Variants in FAM184A observed in about 807,000 individuals in gnomAD.
FAM184A encodes the protein protein FAM184A.
FAM184A carries 99 observed loss-of-function variants against 143.8 expected under a neutral mutation model. That is an observed-to-expected ratio of 0.69 (90% CI 0.58 to 0.81). FAM184A has a LOEUF of 0.81. Among genes scored for constraint, FAM184A ranks in the 40% least tolerant of loss-of-function variants. FAM184A has a pLI of 0.00. For synonymous variants in FAM184A, 427 were observed against 446.4 expected, an observed-to-expected ratio of 0.96 and a Z score of 0.55; for missense variants, 1,217 against 1,310.5, an observed-to-expected ratio of 0.93 and a Z score of 1.10.
At chr6:119,031,576 C>G (rs1454123688) in intron 1 of FAM184A, 2 of 152,184 alleles carry the variant, frequency 1.3e-5, no homozygotes, top group African/African-American at 4.8e-5. Flanking sequence ...GCAGCTCAAG[C>G]TGAATAATAT....
chr6:119,028,799 G>C (rs933663232), intron 1 of FAM184A, among the ~76,000 whole-genome samples: 1 of 152,152 alleles, frequency 6.6e-6, no homozygotes, highest in Admixed American at 6.5e-5. Context: ...AGAAGAACTT[G>C]CAGTTGGCAT....
chr6:119,124,517 C>T (rs1015531083), intron 1 of FAM184A, among the ~76,000 whole-genome samples: 1 of 151,984 alleles, frequency 6.6e-6, no homozygotes, highest in Non-Finnish European at 1.5e-5. Context: ...TAAAATTTTA[C>T]CTGGGGGTGT....
intron 3 of FAM184A, among the ~76,000 whole-genome samples, chr6:119,021,441 C>T (rs984704967): frequency 5.3e-5 from 8 of 152,194 alleles, no homozygotes; most frequent in East Asian, 1.9e-4. Context: ...ACCTTAGTAA[C>T]AAGCCCTAAG....
At chr6:118,982,024 T>C (rs905524892) in intron 9 of FAM184A, among the ~76,000 whole-genome samples, 1 of 152,142 alleles carries the variant, frequency 6.6e-6, no homozygotes, top group African/African-American at 2.4e-5. Context: ...CACCCACGAC[T>C]TACAGACTGA....
In FAM184A at chr6:119,067,005, G is replaced by T. The variant is rs576044558; in HGVS notation, c.159+11136C>A. On this transcript the variant is annotated intron_variant, in intron 1 of 17. Transcript: ENST00000338891. ...CATGTTTTAGGCAAATGATGACTAT[G>T]AAAGATTTTATTTAAACTAAAATAA... 4.6e-5 allele frequency among the ~76,000 whole-genome samples: 7 copies of T among 152,318 alleles called. No individual in the cohort carries two copies. In the South Asian group the frequency reaches 1.5e-3, roughly 32 times the overall value.
intron 1 of FAM184A, among the ~76,000 whole-genome samples, chr6:119,126,933 T>C (rs1406184006): frequency 6.6e-6 from 1 of 152,200 alleles, no homozygotes; most frequent in Non-Finnish European, 1.5e-5. Flanking sequence ...AGTCCCATCA[T>C]CAAGCCATCC....
In FAM184A at chr6:119,020,098, T is replaced by C. The variant is rs1352733115; in HGVS notation, c.1212A>G (p.Glu404=). 1.2e-6 allele frequency: 2 copies of C among 1,610,024 alleles called. No homozygotes were observed. The highest frequency in any genetic ancestry group is 1.7e-6 in the Non-Finnish European group (2 of 1,178,918). The part of the protein sequence containing the change: ...MTQEVTIKDL[E]SEKSRVNERL... ...TCTCATTGACTCTCGATTTTTCTGA[T>C]TCTAAATCTTTAATTGTAACTTCCT... The change falls in exon 4 of 18, where the codon GAA becomes GAG. Residue 404 remains glutamate (E), a synonymous_variant. Coordinates refer to ENST00000338891, the MANE Select transcript of FAM184A (RefSeq NM_024581.6).
intron 1 of FAM184A, among the ~76,000 whole-genome samples, chr6:119,053,617 T>A (rs1786848310): frequency 6.6e-6 from 1 of 152,196 alleles, no homozygotes; most frequent in Non-Finnish European, 1.5e-5. Context: ...AGAGGTAGGA[T>A]GTAGTATAAG....
intron 1 of FAM184A, among the ~76,000 whole-genome samples, chr6:119,086,361 G>C (rs1788222492): frequency 6.6e-6 from 1 of 152,172 alleles, no homozygotes; most frequent in South Asian, 2.1e-4. Flanking sequence ...TGAAGAATTA[G>C]ATGCTACAAA....
intron 9 of FAM184A, among the ~76,000 whole-genome samples, chr6:118,983,097 G>A (rs1205948796): frequency 1.3e-5 from 2 of 152,030 alleles, no homozygotes; most frequent in Non-Finnish European, 2.9e-5. Context: ...ATAATATTAA[G>A]GCCATCGAAA....
At chr6:119,117,313 T>C (rs1789085777) in intron 1 of FAM184A, among the ~76,000 whole-genome samples, 1 of 152,214 alleles carries the variant, frequency 6.6e-6, no homozygotes, top group Non-Finnish European at 1.5e-5. Context: ...GTGGTGCCCT[T>C]AACTAGGCTA....
chr6:118,990,159 G>A (rs185347770), intron 9 of FAM184A, among the ~76,000 whole-genome samples: 1 of 152,152 alleles, frequency 6.6e-6, no homozygotes, highest in Non-Finnish European at 1.5e-5. Flanking sequence ...TGATGTCCTA[G>A]TACTAGAAGT....
chr6:118,991,824 A>G (rs1289654740), intron 9 of FAM184A, among the ~76,000 whole-genome samples: 1 of 116,914 alleles, frequency 8.6e-6, no homozygotes, highest in South Asian at 3.0e-4. Flanking sequence ...GTGCAGTGGT[A>G]TGATCTCGGC....
chr6:119,040,053 G>A lies in FAM184A; in HGVS notation c.160-15240C>T, dbSNP rs181110827. ...TAAAAGTCCTAGCATCAGGTTAAAC[G>A]GGGACTCGACCTTCTCTCTTTAATC... On this transcript the variant is annotated intron_variant, in intron 1 of 17. Coordinates refer to ENST00000338891, the MANE Select transcript of FAM184A (RefSeq NM_024581.6). Among the ~76,000 whole-genome samples the A allele has an allele frequency of 1.2e-3, 190 of 152,260 alleles. 1 individual carries two copies. Among genetic ancestry groups the A allele is most frequent in the Non-Finnish European group, 9.1e-4 (62 of 68,014 alleles).
intron 1 of FAM184A, among the ~76,000 whole-genome samples, chr6:119,029,494 T>TA (rs1274692191): frequency 6.6e-6 from 1 of 152,164 alleles, no homozygotes; most frequent in East Asian, 1.9e-4. Flanking sequence ...TCCATTGCCT[T>TA]ACCTCACTCA....
chr6:119,004,876 G>C (rs751703239), intron 7 of FAM184A, among the ~76,000 whole-genome samples: 4 of 152,156 alleles, frequency 2.6e-5, no homozygotes, highest in Non-Finnish European at 4.4e-5. Flanking sequence ...CTCAGTGCCA[G>C]GACAGCCGGG....
chr6:119,083,546 A>G (rs1430297248), upstream of FAM184A, among the ~76,000 whole-genome samples: 1 of 152,106 alleles, frequency 6.6e-6, no homozygotes, highest in Non-Finnish European at 1.5e-5. Flanking sequence ...CTGCTTGGAA[A>G]TTTCTTCTGC....
chr6:119,048,806 T>C (rs981063094), intron 1 of FAM184A, among the ~76,000 whole-genome samples: 1 of 151,368 alleles, frequency 6.6e-6, no homozygotes, highest in African/African-American at 2.4e-5. Context: ...GGGGGACTGG[T>C]TGAAAGATCT....
intron 1 of FAM184A, among the ~76,000 whole-genome samples, chr6:119,050,265 G>A (rs1786698606): frequency 6.6e-6 from 1 of 152,152 alleles, no homozygotes; most frequent in Non-Finnish European, 1.5e-5. Flanking sequence ...GGAAAGCAGT[G>A]TGGCAATTCC....
Sources: allele counts gnomAD v4.1 joint callset (sites outside exome capture counted in the v4.1 genomes callset), GRCh38; gene constraint gnomAD v4.1.1; transcripts MANE v1.5; gene names NCBI Gene and HGNC (gene_info 2026-07-23, HGNC 2026-07-21).